ELFN2: variants seen among roughly 807,000 people sequenced by gnomAD.
The protein encoded by ELFN2 is protein phosphatase 1 regulatory subunit 29.
In ELFN2, 17 loss-of-function variants were observed where a neutral mutation model predicts 45.5. The observed-to-expected ratio is 0.37, with a 90% CI of 0.26 to 0.56. The LOEUF (loss-of-function observed/expected upper bound fraction) is 0.56. ELFN2 is among the 20% of genes least tolerant of loss of function. The pLI is 0.77. For synonymous variants in ELFN2, 550 were observed against 551.5 expected (o/e 1.00, Z 0.04); for missense variants, 922 against 1,183.2 (o/e 0.78, Z 3.24).
At chr22:37,349,167 G>A (rs1263494861) in intron 1 of ELFN2, among the ~76,000 whole-genome samples, 3 of 151,200 alleles carry the variant, frequency 2.0e-5, no homozygotes, top group Admixed American at 6.6e-5. Flanking sequence ...GCCAAGCCCC[G>A]GCACCAGGAG....
chr22:37,376,699 C>T (rs1011814294), intron 2 of ELFN2, among the ~76,000 whole-genome samples: 2 of 152,142 alleles, frequency 1.3e-5, no homozygotes, highest in Admixed American at 6.5e-5. Flanking sequence ...AGTGGGAGGG[C>T]GTGGGGAGAC....
At chr22:37,421,528 C>A (rs775386932) in intron 1 of ELFN2, among the ~76,000 whole-genome samples, 3 of 152,200 alleles carry the variant, frequency 2.0e-5, no homozygotes, top group Non-Finnish European at 2.9e-5. Flanking sequence ...TGTGTGCAGA[C>A]CCCATGCTGG....
intron 2 of ELFN2, among the ~76,000 whole-genome samples, chr22:37,416,617 G>A (rs957986320): frequency 6.6e-6 from 1 of 152,104 alleles, no homozygotes; most frequent in Non-Finnish European, 1.5e-5. Flanking sequence ...GGCACTGGGA[G>A]GAAGCAAGCG....
chr22:37,381,373 G>C (rs1393703614), intron 2 of ELFN2, among the ~76,000 whole-genome samples: 1 of 152,080 alleles, frequency 6.6e-6, no homozygotes, highest in Non-Finnish European at 1.5e-5. Flanking sequence ...GAGAGATTTC[G>C]ATGTTTCCAT....
At chr22:37,364,508 A>G (rs999944597), downstream of ELFN2, among the ~76,000 whole-genome samples, 2 of 152,164 alleles carry the variant, frequency 1.3e-5, no homozygotes, top group African/African-American at 2.4e-5. Flanking sequence ...TGAGGGGCCA[A>G]GCCCTGGGTC....
intron 2 of ELFN2, among the ~76,000 whole-genome samples, chr22:37,407,132 T>C (rs909862998): frequency 5.3e-5 from 8 of 152,284 alleles, no homozygotes; most frequent in Non-Finnish European, 8.8e-5. Flanking sequence ...CTTGTGTGTG[T>C]GCGTGTGTGT....
Position 37,407,827 on chromosome 22 carries a change from G to A in ELFN2, c.-463+9942C>T, listed in dbSNP as rs979636060. ...GGAAAATGGCATGAATCCGGGAGGC[G>A]GAGCTTGCAGTAAGCCGAGATCGCG... On this transcript the variant is annotated intron_variant, in intron 2 of 2. Transcript: ENST00000402918. Among the ~76,000 whole-genome samples the A allele has an allele frequency of 7.9e-5, 12 of 152,044 alleles. No individual in the cohort carries two copies. In the East Asian group the frequency reaches 9.7e-4, roughly 12 times the overall value.
In ELFN2 at chr22:37,413,832, C is replaced by G. The variant is rs369717444; in HGVS notation, c.-463+3937G>C. On this transcript the variant is annotated intron_variant, in intron 2 of 2. Coordinates refer to ENST00000402918, the MANE Select transcript of ELFN2 (RefSeq NM_052906.5). ...GCTGTTCGTTATGGCACAAGCCCCC[C>G]CTAAGAATCTGTGATTTTGACTCGG... 2.3e-3 allele frequency among the ~76,000 whole-genome samples: 345 copies of G among 152,324 alleles called. 1 individual carries two copies. Among genetic ancestry groups the G allele is most frequent in the South Asian group, 5.2e-3 (25 of 4,830 alleles).
downstream of ELFN2, among the ~76,000 whole-genome samples, chr22:37,364,395 G>A (rs1361842426): frequency 6.6e-6 from 1 of 152,218 alleles, no homozygotes; most frequent in Admixed American, 6.5e-5. Flanking sequence ...CAGAGCAAGA[G>A]AGAGACTGGC....
In ELFN2 at chr22:37,373,755, C is replaced by T. The variant is rs554867479; in HGVS notation, c.1780G>A (p.Gly594Arg). The T allele has an allele frequency of 7.2e-5, 113 of 1,578,128 alleles. No homozygotes were observed. Among genetic ancestry groups the T allele is most frequent in the Middle Eastern group, 1.7e-4 (1 of 5,836 alleles). Residue 594 changes from glycine (G) to arginine (R), a missense_variant, in exon 3 of 3, where the codon GGG becomes AGG. Physicochemically the swap from Gly to Arg is moderately radical, Grantham distance 125. Transcript: ENST00000402918. ...AGGAAGCTGGGCCGCTCCAGGGCCC[C>T]GGGGCCAGTGGCTGAGGAGGCGGCA... Reference protein sequence around the residue: ...AAAASSATGPGALERPSFLSP... With the variant: ...AAAASSATGPRALERPSFLSP...
At position 37,373,048 on chromosome 22, in the gene ELFN2, C is replaced by T. The variant is rs1211370171; in HGVS notation, c.*24G>A. 6.4e-7 allele frequency: 1 copy of T among 1,566,786 alleles called. No homozygotes were observed. The highest frequency in any genetic ancestry group is 1.2e-5 in the South Asian group (1 of 84,124). ...AAGGCCCCCAGCCCTCTGGCTCCGA[C>T]CTCACCAGGGAGGAAGGGGGGGGTC... On this transcript the variant is annotated 3_prime_UTR_variant, in exon 3 of 3. Transcript: ENST00000402918.
At chr22:37,343,113 G>A (rs1457476812) in intron 1 of ELFN2, among the ~76,000 whole-genome samples, 1 of 152,052 alleles carries the variant, frequency 6.6e-6, no homozygotes, top group African/African-American at 2.4e-5. Flanking sequence ...GCCCTCAGAG[G>A]GACCGGAACT....
chr22:37,362,012 A>G (rs112806090), intron 1 of ELFN2, among the ~76,000 whole-genome samples: 1 of 152,176 alleles, frequency 6.6e-6, no homozygotes, highest in African/African-American at 2.4e-5. Flanking sequence ...GTCATCTCTC[A>G]TGCCTAGGAG....
chr22:37,405,833 A>AG (rs1555923839), intron 2 of ELFN2, among the ~76,000 whole-genome samples: 2 of 125,664 alleles, frequency 1.6e-5, no homozygotes, highest in Admixed American at 7.5e-5. Context: ...AAAAAAAAAA[A>AG]GGGTGGAGGG....
chr22:37,404,138 GGCCGA>G (rs1303822463), intron 2 of ELFN2, among the ~76,000 whole-genome samples: 5 of 152,230 alleles, frequency 3.3e-5, no homozygotes, highest in Admixed American at 6.5e-5. Context: ...GGAGCCCCGA[GGCCGA>G]GCCAACTCCT....
intron 2 of ELFN2, among the ~76,000 whole-genome samples, chr22:37,406,780 C>T (rs77782521): frequency 6.6e-6 from 1 of 152,232 alleles, no homozygotes; most frequent in Non-Finnish European, 1.5e-5. Context: ...GCCTGAGAGC[C>T]CAGCAATGGG....
Position 37,373,591 on chromosome 22 carries a change from G to A in ELFN2, c.1944C>T (p.Pro648=), listed in dbSNP as rs746306624. ...CCAGCCCTGTGGCGGCCGGATGGTCGGGCACGTCCAGGCTAAAGACCTTGG... is the reference window on the plus strand; with the variant it reads ...CCAGCCCTGTGGCGGCCGGATGGTCAGGCACGTCCAGGCTAAAGACCTTGG... ...KSAKVFSLDV[P]DHPAATGLAK... Residue 648 remains proline, a synonymous_variant, in exon 3 of 3, where the codon CCC becomes CCT. Coordinates refer to ENST00000402918, the MANE Select transcript of ELFN2 (RefSeq NM_052906.5). The A allele has an allele frequency of 2.7e-5, 44 of 1,607,562 alleles. No homozygotes were observed. The highest frequency in any genetic ancestry group is 1.6e-4 in the Middle Eastern group (1 of 6,074).
At chr22:37,395,417 T>C (rs944022583) in intron 2 of ELFN2, among the ~76,000 whole-genome samples, 1 of 152,074 alleles carries the variant, frequency 6.6e-6, no homozygotes, top group Non-Finnish European at 1.5e-5. Context: ...ATTCTACCCA[T>C]CTGAGACACG....
At chr22:37,362,904 A>G (rs911032570) in intron 1 of ELFN2, among the ~76,000 whole-genome samples, 1 of 152,214 alleles carries the variant, frequency 6.6e-6, no homozygotes, top group African/African-American at 2.4e-5. Flanking sequence ...GCAGTGAGGC[A>G]GAGAGATGCT....
Sources: allele counts gnomAD v4.1 joint callset (sites outside exome capture counted in the v4.1 genomes callset), GRCh38; gene constraint gnomAD v4.1.1; transcripts MANE v1.5; gene names NCBI Gene and HGNC (gene_info 2026-07-23, HGNC 2026-07-21).